Variants in CPEB3 observed in about 807,000 individuals in gnomAD.
CPEB3 encodes the protein cytoplasmic polyadenylation element-binding protein 3.
Under a neutral mutation model 67.2 loss-of-function variants are expected in CPEB3, and 20 were observed. The ratio of observed to expected loss-of-function variants is 0.30; its 90% CI spans 0.21 to 0.43. The LOEUF is 0.43. Ranked by LOEUF, CPEB3 falls within the 20% of genes least tolerant of loss-of-function variation. The pLI is 1.00. For missense variants in CPEB3, 746 were observed against 968.6 expected (o/e 0.77, Z 3.05); for synonymous variants, 376 against 393.1 (o/e 0.96, Z 0.51).
intron 6 of CPEB3, among the ~76,000 whole-genome samples, chr10:92,124,162 C>A (rs1303420742): frequency 1.3e-5 from 2 of 152,178 alleles, no homozygotes; most frequent in Non-Finnish European, 2.9e-5. Flanking sequence ...TCCCCCCATC[C>A]CATCACCTCT....
intron 4 of CPEB3, among the ~76,000 whole-genome samples, chr10:92,176,147 T>C (rs2134052430): frequency 6.6e-6 from 1 of 152,316 alleles, no homozygotes; most frequent in South Asian, 2.1e-4. Context: ...TTAAATTCTA[T>C]CAGGAAAGCA....
intron 9 of CPEB3, among the ~76,000 whole-genome samples, chr10:92,059,766 G>C (rs1842265455): frequency 6.6e-6 from 1 of 152,100 alleles, no homozygotes; most frequent in Non-Finnish European, 1.5e-5. Context: ...AGACCAGCCT[G>C]ACCCACATGG....
chr10:92,289,812 ATT>A (rs1252393174), intron 1 of CPEB3, among the ~76,000 whole-genome samples: 1 of 139,896 alleles, frequency 7.1e-6, no homozygotes, highest in East Asian at 2.0e-4. Context: ...TGTATTATAT[ATT>A]ATATAATACA....
chr10:92,261,459 GTTTT>G (rs1414499238), intron 1 of CPEB3, among the ~76,000 whole-genome samples: 1 of 151,880 alleles, frequency 6.6e-6, no homozygotes, highest in African/African-American at 2.4e-5. Flanking sequence ...GTTTTGTTTT[GTTTT>G]TTTGAGACAC....
intron 1 of CPEB3, among the ~76,000 whole-genome samples, chr10:92,253,321 G>A (rs1244427386): frequency 2.0e-5 from 3 of 151,642 alleles, no homozygotes; most frequent in Non-Finnish European, 4.4e-5. Context: ...TTAGCCAGGT[G>A]TGGTGGCACA....
At chr10:92,224,907 T>A (rs933416628) in intron 2 of CPEB3, among the ~76,000 whole-genome samples, 2 of 147,702 alleles carry the variant, frequency 1.4e-5, no homozygotes, top group African/African-American at 2.5e-5. Context: ...ATATATATAT[T>A]TTATATATTT....
At chr10:92,107,260 A>G (rs1364118237) in intron 7 of CPEB3, among the ~76,000 whole-genome samples, 1 of 152,230 alleles carries the variant, frequency 6.6e-6, no homozygotes, top group African/African-American at 2.4e-5. Context: ...ATCCCCACAT[A>G]AGCATACTTT....
Position 92,276,476 on chromosome 10 carries a change from G to A in CPEB3, c.-12+14450C>T, listed in dbSNP as rs1053640442. On this transcript the variant is annotated intron_variant, in intron 1 of 9. Transcript: ENST00000265997. Reference sequence around the variant, plus strand: ...ATATTTTTAGTAGAGATGAGGTTTCGCCATGTTGGCCAGGCTGGTCTTGAA... The same window carrying A: ...ATATTTTTAGTAGAGATGAGGTTTCACCATGTTGGCCAGGCTGGTCTTGAA... 1.3e-4 allele frequency among the ~76,000 whole-genome samples: 19 copies of A among 150,666 alleles called. No homozygotes were observed. In the East Asian group the frequency reaches 2.2e-3, roughly 17 times the overall value.
intron 1 of CPEB3, among the ~76,000 whole-genome samples, chr10:92,274,858 C>T (rs1841904632): frequency 1.3e-5 from 2 of 152,190 alleles, no homozygotes; most frequent in Non-Finnish European, 2.9e-5. Flanking sequence ...AAATGTAGTT[C>T]CTTCTGAGGA....
chr10:92,110,964 G>A (rs1197692702), intron 7 of CPEB3, 112 bp downstream of exon 7: 8 of 822,700 alleles, frequency 9.7e-6, no homozygotes, highest in African/African-American at 1.7e-5. Flanking sequence ...GCAAGGCCAA[G>A]CTGGGTAAGA....
intron 2 of CPEB3, among the ~76,000 whole-genome samples, chr10:92,207,839 C>A (rs1849867908): frequency 6.6e-6 from 1 of 152,232 alleles, no homozygotes; most frequent in Non-Finnish European, 1.5e-5. Flanking sequence ...CACTACACTC[C>A]AGCCTGAGCG....
At chr10:92,254,347 G>T (rs1470679961) in intron 1 of CPEB3, among the ~76,000 whole-genome samples, 3 of 151,962 alleles carry the variant, frequency 2.0e-5, no homozygotes, top group African/African-American at 4.8e-5. Context: ...TTTTAAAAAT[G>T]TTAAAAGCTA....
intron 2 of CPEB3, among the ~76,000 whole-genome samples, chr10:92,228,991 C>A (rs1019722401): frequency 6.6e-6 from 1 of 151,968 alleles, no homozygotes; most frequent in South Asian, 2.1e-4. Flanking sequence ...GGATTACAGA[C>A]GTGAGCCACC....
chr10:92,102,106 C>T (rs370505149), intron 7 of CPEB3, among the ~76,000 whole-genome samples: 12 of 152,238 alleles, frequency 7.9e-5, no homozygotes, highest in Admixed American at 6.5e-4. Flanking sequence ...AATAGGTCAG[C>T]CAGTTTCAGG....
chr10:92,079,996 C>G (rs1333994276), intron 9 of CPEB3, among the ~76,000 whole-genome samples: 2 of 151,154 alleles, frequency 1.3e-5, no homozygotes, highest in Non-Finnish European at 2.9e-5. Context: ...GTCAGGAGAT[C>G]GAGACCATCC....
chr10:92,239,947 A>G lies in CPEB3; in HGVS notation c.404T>C (p.Leu135Pro), dbSNP rs760112236. The G allele has an allele frequency of 4.3e-6, 7 of 1,613,366 alleles. No individual in the cohort carries two copies. Among genetic ancestry groups the G allele is most frequent in the Non-Finnish European group, 2.5e-6 (3 of 1,179,686 alleles). Residue 135 changes from leucine (L) to proline (P), a missense_variant, in exon 2 of 10, where the codon CTC (leucine) becomes CCC (proline). Physicochemically the swap from Leu to Pro is moderately conservative, Grantham distance 98. Transcript: ENST00000265997. This position sits in a 1 kb window ranked among gnomAD's most constrained non-coding sequence, Gnocchi z 6.0. The part of the protein sequence containing the change: ...QGITPVNGTM[L>P]FQNFPHHVNP... ...GACATGGTGCGGGAAGTTCTGGAAGAGCATGGTCCCGTTGACTGGGGTGAT... is the reference window on the plus strand; with the variant it reads ...GACATGGTGCGGGAAGTTCTGGAAGGGCATGGTCCCGTTGACTGGGGTGAT...
chr10:92,058,990 G>A (rs1224658661), intron 9 of CPEB3, among the ~76,000 whole-genome samples: 2 of 152,072 alleles, frequency 1.3e-5, no homozygotes, highest in African/African-American at 2.4e-5. Flanking sequence ...AACCACAATG[G>A]AATAAAACTG....
At chr10:92,193,439 C>A (rs987520731) in intron 2 of CPEB3, among the ~76,000 whole-genome samples, 2 of 151,928 alleles carry the variant, frequency 1.3e-5, no homozygotes, top group African/African-American at 4.8e-5. Context: ...ATGTTCCCCC[C>A]ACCCCACCCC....
chr10:92,136,151 A>C lies in CPEB3; in HGVS notation c.1453+6878T>G, dbSNP rs989012994. On this transcript the variant is annotated intron_variant, in intron 6 of 9. Transcript: ENST00000265997. ...ATTATGCACATGTACCCTAGAACTT[A>C]AAGTATAATAATAAAAAAAAAACTT... Among the ~76,000 whole-genome samples, 3 of 144,640 alleles carry C rather than the reference A, an allele frequency of 2.1e-5. No individual in the cohort carries two copies. In the South Asian group the frequency reaches 6.3e-4, roughly 31 times the overall value. 94.9% of individuals were successfully genotyped at this position (144,640 alleles called of 152,430 possible).
Sources: allele counts gnomAD v4.1 joint callset (sites outside exome capture counted in the v4.1 genomes callset), GRCh38; gene constraint gnomAD v4.1.1; non-coding constraint Gnocchi (gnomAD v3.1); transcripts MANE v1.5; gene names NCBI Gene and HGNC (gene_info 2026-07-23, HGNC 2026-07-21).